CNTNAP2: variants seen among roughly 807,000 people sequenced by gnomAD.
CNTNAP2 encodes the protein contactin associated protein 2.
In CNTNAP2, 98 loss-of-function variants were observed where a neutral mutation model predicts 155.2. The ratio of observed to expected loss-of-function variants is 0.63; its 90% CI spans 0.54 to 0.75. CNTNAP2 has a LOEUF of 0.75. Ranked by LOEUF, CNTNAP2 falls within the 30% of genes least tolerant of loss-of-function variation. The probability of loss-of-function intolerance (pLI) is 0.00; values close to 1 mark genes in which losing one functional copy is unlikely to be tolerated. For missense variants in CNTNAP2, 1,727 were observed against 1,688.1 expected (o/e 1.02, Z -0.40); for synonymous variants, 651 against 631.2 (o/e 1.03, Z -0.47).
chr7:148,109,691 A>T (rs898734252), intron 15 of CNTNAP2, among the ~76,000 whole-genome samples: 21 of 152,174 alleles, frequency 1.4e-4, no homozygotes, highest in Admixed American at 8.5e-4. Flanking sequence ...GTAACTGGGT[A>T]CAGGGAGAAC....
At chr7:148,083,372 C>T (rs1225880739) in intron 15 of CNTNAP2, among the ~76,000 whole-genome samples, 2 of 152,122 alleles carry the variant, frequency 1.3e-5, no homozygotes, top group African/African-American at 4.8e-5. Context: ...GACTCCACTT[C>T]GGTTCCCTTC....
chr7:148,384,620 A>G (rs1300811878), intron 22 of CNTNAP2, among the ~76,000 whole-genome samples: 2 of 152,150 alleles, frequency 1.3e-5, no homozygotes, highest in Non-Finnish European at 2.9e-5. Flanking sequence ...TAAGGTGAAG[A>G]AGGGGAGGGG....
chr7:146,130,584 T>C (rs1000122361), intron 1 of CNTNAP2, among the ~76,000 whole-genome samples: 1 of 152,246 alleles, frequency 6.6e-6, no homozygotes, highest in African/African-American at 2.4e-5. Context: ...TTAACACATA[T>C]GTATGTTATT....
rs764084350 is a variant in CNTNAP2, at chr7:147,137,822, G to A, written c.1348+5313G>A. Among the ~76,000 whole-genome samples the A allele has an allele frequency of 5.8e-4, 88 of 151,462 alleles. 1 individual carries two copies. The highest frequency in any genetic ancestry group is 3.0e-4 in the Non-Finnish European group (20 of 67,756). ...ATTTTAAAACTATTTTTCAACCTGG[G>A]TAAATAATTGGATAGATAAGTAGAT... On this transcript the variant is annotated intron_variant, in intron 8 of 23. Coordinates refer to ENST00000361727, the MANE Select transcript of CNTNAP2 (RefSeq NM_014141.6).
chr7:147,176,788 A>T (rs1357790500), intron 8 of CNTNAP2, among the ~76,000 whole-genome samples: 1 of 124,170 alleles, frequency 8.1e-6, no homozygotes, highest in Non-Finnish European at 1.6e-5. Context: ...TATAATTATA[A>T]TTATATATTA....
intron 14 of CNTNAP2, among the ~76,000 whole-genome samples, chr7:147,945,770 A>G (rs1800809858): frequency 6.6e-6 from 1 of 151,534 alleles, no homozygotes; most frequent in Non-Finnish European, 1.5e-5. Context: ...AAATAATTTT[A>G]TTGACTTCTT....
chr7:146,740,234 G>C (rs1801688966), intron 1 of CNTNAP2, among the ~76,000 whole-genome samples: 1 of 146,674 alleles, frequency 6.8e-6, no homozygotes, highest in South Asian at 2.1e-4. Flanking sequence ...TTTTTCTTTT[G>C]ATGCTCTCTA....
At chr7:148,240,587 A>T (rs1049722057) in intron 20 of CNTNAP2, among the ~76,000 whole-genome samples, 1 of 152,188 alleles carries the variant, frequency 6.6e-6, no homozygotes, top group African/African-American at 2.4e-5. Flanking sequence ...AGGCTACCTT[A>T]CTATATTAGG....
Position 146,784,378 on chromosome 7 carries a change from T to A in CNTNAP2, c.208+9997T>A, listed in dbSNP as rs554199598. 4.6e-5 allele frequency among the ~76,000 whole-genome samples: 7 copies of A among 152,306 alleles called. No homozygotes were observed. The East Asian group carries it at 9.6e-4, about 21-fold the overall frequency. On this transcript the variant is annotated intron_variant, in intron 2 of 23. Coordinates refer to ENST00000361727, the MANE Select transcript of CNTNAP2 (RefSeq NM_014141.6). ...TCTAAAAGAGGGGGAAGTTTGCGAA[T>A]AATTCATTATTATAATATGTTTGGT...
chr7:148,043,658 G>A (rs1446072029), intron 15 of CNTNAP2, among the ~76,000 whole-genome samples: 3 of 151,924 alleles, frequency 2.0e-5, no homozygotes, highest in South Asian at 2.1e-4. Flanking sequence ...TTAATTGCTG[G>A]TTAGATAATT....
intron 3 of CNTNAP2, among the ~76,000 whole-genome samples, chr7:146,858,342 G>A (rs553259919): frequency 1.3e-3 from 199 of 152,206 alleles, no homozygotes; most frequent in Non-Finnish European, 2.3e-3. Context: ...TGCACTAAAT[G>A]TTGTCTAGTT....
intron 10 of CNTNAP2, among the ~76,000 whole-genome samples, chr7:147,410,540 G>T (rs1009283437): frequency 6.6e-6 from 1 of 152,084 alleles, no homozygotes; most frequent in Admixed American, 6.6e-5. Context: ...TGAACTTAAA[G>T]TTAAAACAAA....
chr7:147,911,961 C>T (rs1248851002), intron 14 of CNTNAP2, among the ~76,000 whole-genome samples: 1 of 152,132 alleles, frequency 6.6e-6, no homozygotes, highest in Non-Finnish European at 1.5e-5. Flanking sequence ...CTCTGTAGTG[C>T]TCCTGATTTG....
At chr7:146,905,629 T>A (rs1796104652) in intron 3 of CNTNAP2, among the ~76,000 whole-genome samples, 1 of 152,208 alleles carries the variant, frequency 6.6e-6, no homozygotes, top group African/African-American at 2.4e-5. Flanking sequence ...AAGTCTAATG[T>A]GACAGTCAAA....
chr7:148,182,469 G>C (rs1340511854), intron 18 of CNTNAP2, among the ~76,000 whole-genome samples: 1 of 152,112 alleles, frequency 6.6e-6, no homozygotes, highest in Non-Finnish European at 1.5e-5. Context: ...ACAACCATTT[G>C]CGCGCTTATC....
chr7:146,176,213 A>T (rs1032946523), intron 1 of CNTNAP2, among the ~76,000 whole-genome samples: 1 of 152,250 alleles, frequency 6.6e-6, no homozygotes, highest in African/African-American at 2.4e-5. Flanking sequence ...GACAAAAATT[A>T]TAAGTCTGAT....
chr7:146,760,366 A>G (rs1376600172), intron 1 of CNTNAP2, among the ~76,000 whole-genome samples: 1 of 128,470 alleles, frequency 7.8e-6, no homozygotes, highest in Non-Finnish European at 1.6e-5. Flanking sequence ...TTGTCATTCC[A>G]CTGCCACTGC....
intron 8 of CNTNAP2, among the ~76,000 whole-genome samples, chr7:147,237,197 C>T (rs1237952108): frequency 1.3e-5 from 2 of 151,630 alleles, no homozygotes; most frequent in Admixed American, 1.3e-4. Context: ...TCCCAAGTAG[C>T]TGGGACTACA....
intron 3 of CNTNAP2, among the ~76,000 whole-genome samples, chr7:147,028,959 CTTTTTTTTTTTTT>C (rs397889433): frequency 2.1e-4 from 22 of 103,744 alleles, no homozygotes; most frequent in African/African-American, 8.3e-4. Context: ...AAGATATGTT[CTTTTTTTTTTTTT>C]TTTTTTTTTG....
Sources: gnomAD v4.1 joint callset for allele counts (sites outside exome capture counted in the v4.1 genomes callset) on GRCh38, gnomAD v4.1.1 for gene constraint, MANE v1.5 for transcripts, NCBI Gene and HGNC (gene_info 2026-07-23, HGNC 2026-07-21) for gene names.